The following IPMK variants were observed in gnomAD, a reference collection of about 807,000 sequenced individuals.
IPMK encodes inositol polyphosphate multikinase, also known as inositol 1,3,4,6-tetrakisphosphate 5-kinase.
IPMK carries 17 observed loss-of-function variants against 45.8 expected under a neutral mutation model. The ratio of observed to expected loss-of-function variants is 0.37; its 90% CI spans 0.25 to 0.56. The LOEUF (loss-of-function observed/expected upper bound fraction) is 0.56, where lower values mean the gene tolerates loss of function less well. IPMK is among the 20% of genes least tolerant of loss of function. The pLI, the probability that IPMK is intolerant of heterozygous loss-of-function variation, is 0.79. For synonymous variants in IPMK, 180 were observed against 184.3 expected (o/e 0.98, Z 0.19); for missense variants, 399 against 498.0 (o/e 0.80, Z 1.89).
chr10:58,226,025 A>G (rs1207009218), intron 3 of IPMK, among the ~76,000 whole-genome samples: 3 of 152,184 alleles, frequency 2.0e-5, no homozygotes, highest in Non-Finnish European at 2.9e-5. Context: ...GGAGGAAGGA[A>G]AAAAGACAGT....
At chr10:58,259,505 T>A (rs572580898) in intron 1 of IPMK, among the ~76,000 whole-genome samples, 3 of 151,930 alleles carry the variant, frequency 2.0e-5, no homozygotes, top group Non-Finnish European at 4.4e-5. Flanking sequence ...GAGGGAAATC[T>A]ATTCCTTAAC....
At position 58,267,883 on chromosome 10, in the gene IPMK, G is replaced by C. The variant is rs1204240270; in HGVS notation, c.-272C>G. 1.1e-5 allele frequency: 4 copies of C among 370,996 alleles called. No individual in the cohort carries two copies. Among genetic ancestry groups the C allele is most frequent in the Non-Finnish European group, 1.9e-5 (4 of 207,378 alleles). 23.0% of individuals were successfully genotyped at this position (370,996 alleles called of 1,614,324 possible). On this transcript the variant is annotated 5_prime_UTR_variant, in exon 1 of 6. Coordinates refer to ENST00000373935, the MANE Select transcript of IPMK (RefSeq NM_152230.5). ...CCGGCGCTGCCCGGTAGACAGAACCGAGCCGAAGAACAGCAGCAGCGGCGC... is the reference window on the plus strand; with the variant it reads ...CCGGCGCTGCCCGGTAGACAGAACCCAGCCGAAGAACAGCAGCAGCGGCGC...
At chr10:58,230,264 T>TA (rs1209062032) in intron 2 of IPMK, among the ~76,000 whole-genome samples, 2 of 152,186 alleles carry the variant, frequency 1.3e-5, no homozygotes, top group African/African-American at 4.8e-5. Flanking sequence ...TCTGCAGACT[T>TA]AAACGTCCCT....
intron 1 of IPMK, among the ~76,000 whole-genome samples, chr10:58,248,941 G>GA (rs1421579464): frequency 6.6e-6 from 1 of 152,146 alleles, no homozygotes; most frequent in Non-Finnish European, 1.5e-5. Context: ...ATCTGTTGTG[G>GA]ACACGTAGGT....
At chr10:58,252,510 T>C (rs2590340) in intron 1 of IPMK, among the ~76,000 whole-genome samples, 50,756 of 150,692 alleles carry the variant, frequency 0.34, 10,819 homozygotes, top group African/African-American at 0.61. Context: ...AGGTAAATTA[T>C]ATGTCATGGA....
intron 1 of IPMK, among the ~76,000 whole-genome samples, chr10:58,256,311 T>C (rs1409627325): frequency 6.6e-6 from 1 of 152,190 alleles, no homozygotes; most frequent in African/African-American, 2.4e-5. Context: ...AATGGCCCTC[T>C]GGAAGTGTCT....
intron 4 of IPMK, 33 bp downstream of exon 4, chr10:58,216,111 GA>G: frequency 1.5e-6 from 2 of 1,347,224 alleles, no homozygotes; most frequent in Non-Finnish European, 2.0e-6. Flanking sequence ...CATGTACAGA[GA>G]AATGTGCATA....
chr10:58,200,792 G>C (rs949989753), intron 4 of IPMK, among the ~76,000 whole-genome samples: 1 of 152,060 alleles, frequency 6.6e-6, no homozygotes, highest in African/African-American at 2.4e-5. Context: ...TAATAACTAG[G>C]GACAGCATTT....
At chr10:58,267,354 T>A in intron 1 of IPMK, 68 bp downstream of exon 1, 3 of 1,525,852 alleles carry the variant, frequency 2.0e-6, no homozygotes, top group Non-Finnish European at 2.7e-6. Flanking sequence ...AGCGCTAGGC[T>A]GCCTCCGCTG....
At position 58,244,058 on chromosome 10, in the gene IPMK, G is replaced by A. The variant is rs946979062; in HGVS notation, c.191-6244C>T. Among the ~76,000 whole-genome samples, 72 of 148,624 alleles carry A rather than the reference G, an allele frequency of 4.8e-4. 2 individuals carry two copies. The highest frequency in any genetic ancestry group is 7.4e-4 in the Admixed American group (11 of 14,962). ...AAGTGAGGGGCACCTCTGCCCGGCCGCTCTTCGTCTGGGAGGTGGGGAACG... is the reference window on the plus strand; with the variant it reads ...AAGTGAGGGGCACCTCTGCCCGGCCACTCTTCGTCTGGGAGGTGGGGAACG... On this transcript the variant is annotated intron_variant, in intron 1 of 5. Transcript: ENST00000373935.
intron 4 of IPMK, among the ~76,000 whole-genome samples, chr10:58,208,319 T>C (rs1838102861): frequency 6.6e-6 from 1 of 152,158 alleles, no homozygotes; most frequent in South Asian, 2.1e-4. Flanking sequence ...TCTGAATTCT[T>C]TATATGGCAA....
intron 1 of IPMK, among the ~76,000 whole-genome samples, chr10:58,240,526 G>T (rs1838681252): frequency 6.6e-6 from 1 of 151,920 alleles, no homozygotes; most frequent in Admixed American, 6.6e-5. Context: ...TAGAAAGCTG[G>T]AAGAAGCATT....
At chr10:58,209,239 C>T (rs2590299) in intron 4 of IPMK, among the ~76,000 whole-genome samples, 51,427 of 151,964 alleles carry the variant, frequency 0.34, 10,953 homozygotes, top group African/African-American at 0.61. Flanking sequence ...GCTATGTCTA[C>T]AGTGGAGTCC....
intron 2 of IPMK, among the ~76,000 whole-genome samples, chr10:58,228,564 C>T (rs868439811): frequency 1.8e-4 from 28 of 152,322 alleles, no homozygotes; most frequent in Admixed American, 2.0e-4. Context: ...GACGGAGTCT[C>T]GCTCTGTCAC....
rs79270556 is a variant in IPMK, at chr10:58,248,656, G to A, written c.191-10842C>T. Among the ~76,000 whole-genome samples, 1,516 of 152,212 alleles carry A rather than the reference G, an allele frequency of 1.0e-2. 20 individuals carry two copies. The highest frequency in any genetic ancestry group is 0.034 in the African/African-American group (1,398 of 41,520). The stretch of plus-strand genomic sequence containing the variant: ...ACACTAGAACTTATTCCTTCTAAGT[G>A]TATTTTTGCACCCGTTAAACAACCT... On this transcript the variant is annotated intron_variant, in intron 1 of 5. Coordinates refer to ENST00000373935, the MANE Select transcript of IPMK (RefSeq NM_152230.5).
intron 2 of IPMK, among the ~76,000 whole-genome samples, chr10:58,233,528 C>A (rs1188260007): frequency 1.3e-5 from 2 of 152,124 alleles, no homozygotes; most frequent in South Asian, 4.1e-4. Context: ...ATACGCAAAT[C>A]AATAAACGTA....
rs1837826568 is a variant in IPMK at position 58,192,119 on chromosome 10, CAA to C, written c.*3955_*3956del. 1 of 151,670 alleles carries C rather than the reference CAA, an allele frequency of 6.6e-6. No homozygotes were observed. The highest frequency in any genetic ancestry group is 1.5e-5 in the Non-Finnish European group (1 of 67,832). The allele number at this position is 151,670 out of a possible 1,614,324, so 9.4% of individuals were successfully genotyped here. Reference sequence around the variant, plus strand: ...AGTAATGAGAATTTAAGTATTAACTCAAAAAAAGATAGAGGCTCCAAACTTTT... The same window carrying C: ...AGTAATGAGAATTTAAGTATTAACTCAAAAAGATAGAGGCTCCAAACTTTT... On this transcript the variant is annotated 3_prime_UTR_variant, in exon 6 of 6. Coordinates refer to ENST00000373935, the MANE Select transcript of IPMK (RefSeq NM_152230.5).
In IPMK at chr10:58,197,074, G is replaced by T. The variant is rs536993817; in HGVS notation, c.629-376C>A. 2.2e-3 allele frequency among the ~76,000 whole-genome samples: 334 copies of T among 152,124 alleles called. 1 individual carries two copies. The highest frequency in any genetic ancestry group is 3.7e-3 in the Non-Finnish European group (253 of 67,996). On this transcript the variant is annotated intron_variant, in intron 5 of 5. Coordinates refer to ENST00000373935, the MANE Select transcript of IPMK (RefSeq NM_152230.5). Reference sequence around the variant, plus strand: ...CCAGCACTTTGGGAGGCCAAGGCGGGCGGATCACGAGGTCAGGAGATCCAG... The same window carrying T: ...CCAGCACTTTGGGAGGCCAAGGCGGTCGGATCACGAGGTCAGGAGATCCAG...
rs55920198 is a variant in IPMK at position 58,227,782 on chromosome 10, T to C, written c.277-643A>G. ...AAGATATTAGAAAATTCTAATATCC[T>C]AGAACTAGATTCTAGTTTTCCTAGA... On this transcript the variant is annotated intron_variant, in intron 2 of 5. Transcript: ENST00000373935. Among the ~76,000 whole-genome samples, 1,219 of 151,946 alleles carry C rather than the reference T, an allele frequency of 8.0e-3. 27 individuals are homozygous for C. The highest frequency in any genetic ancestry group is 0.028 in the African/African-American group (1,165 of 41,204).
Sources: allele counts gnomAD v4.1 joint callset (sites outside exome capture counted in the v4.1 genomes callset), GRCh38; gene constraint gnomAD v4.1.1; transcripts MANE v1.5; gene names NCBI Gene and HGNC (gene_info 2026-07-23, HGNC 2026-07-21).